SPATA16: variants seen among roughly 807,000 people sequenced by gnomAD.
SPATA16 encodes the protein spermatogenesis-associated protein 16.
Under a neutral mutation model 63.3 loss-of-function variants are expected in SPATA16, and 36 were observed. The ratio of observed to expected loss-of-function variants is 0.57; its 90% CI spans 0.44 to 0.75. The LOEUF (loss-of-function observed/expected upper bound fraction) is 0.75. SPATA16 is among the 30% of genes least tolerant of loss of function. The pLI is 0.00. For missense variants in SPATA16, 646 were observed against 679.3 expected, an observed-to-expected ratio of 0.95 and a Z score of 0.54; for synonymous variants, 203 against 216.7, an observed-to-expected ratio of 0.94 and a Z score of 0.56.
At position 172,889,478 on chromosome 3, in the gene SPATA16, T is replaced by A. The variant is rs892103462; in HGVS notation, c.*92A>T. On this transcript the variant is annotated 3_prime_UTR_variant, in exon 11 of 11. Coordinates refer to ENST00000351008, the MANE Select transcript of SPATA16 (RefSeq NM_031955.6). ...CTTTCTTTTGGTGACAAGCTTTTGT[T>A]ATCCAGCTTCACAGTACTAGGTGGG... 6.3e-7 allele frequency: 1 copy of A among 1,580,898 alleles called. No individual in the cohort carries two copies. The highest frequency in any genetic ancestry group is 8.7e-7 in the Non-Finnish European group (1 of 1,155,692).
rs540592773 is a variant in SPATA16, at chr3:172,934,939, A to T, written c.1082-9447T>A. On this transcript the variant is annotated intron_variant, in intron 6 of 10. Transcript: ENST00000351008. ...TCCTGTTAACCTCAGAAACAAAATA[A>T]CTGTTTTTGACCACTATTATTATTA... is the stretch of plus-strand genomic sequence containing the variant. Among the ~76,000 whole-genome samples, 8 of 152,272 alleles carry T rather than the reference A, an allele frequency of 5.3e-5. No homozygotes were observed. The South Asian group carries it at 1.7e-3, about 32-fold the overall frequency.
At chr3:172,899,713 T>C (rs528990320) in intron 10 of SPATA16, among the ~76,000 whole-genome samples, 1 of 152,216 alleles carries the variant, frequency 6.6e-6, no homozygotes, top group South Asian at 2.1e-4. Context: ...CCCTACCTTT[T>C]TGAGGTTAAA....
At chr3:172,983,958 C>G (rs1734382364) in intron 4 of SPATA16, among the ~76,000 whole-genome samples, 1 of 151,888 alleles carries the variant, frequency 6.6e-6, no homozygotes, top group Non-Finnish European at 1.5e-5. Context: ...ACCCCCACCC[C>G]CTGGCCCCGC....
intron 2 of SPATA16, among the ~76,000 whole-genome samples, chr3:173,074,719 G>C (rs1334507343): frequency 6.6e-6 from 1 of 152,048 alleles, no homozygotes; most frequent in African/African-American, 2.4e-5. Flanking sequence ...TGATAGATGG[G>C]GGAAGGAGGG....
chr3:172,894,492 A>G (rs1428128900), intron 10 of SPATA16, among the ~76,000 whole-genome samples: 1 of 4,198 alleles, frequency 2.4e-4, no homozygotes, highest in East Asian at 0.012. Flanking sequence ...CAAAACATGC[A>G]AAAAAAAAAA....
intron 4 of SPATA16, among the ~76,000 whole-genome samples, chr3:173,010,470 G>T (rs1560095567): frequency 6.8e-6 from 1 of 146,718 alleles, no homozygotes; most frequent in African/African-American, 2.5e-5. Context: ...GTGTGTGTGT[G>T]TTTGTTTTTG....
chr3:173,069,523 C>A (rs1284807931), intron 2 of SPATA16, among the ~76,000 whole-genome samples: 1 of 152,154 alleles, frequency 6.6e-6, no homozygotes, highest in African/African-American at 2.4e-5. Context: ...AGCCCAGGAC[C>A]TTATGACTTC....
At chr3:173,006,073 A>C (rs1351486033) in intron 4 of SPATA16, among the ~76,000 whole-genome samples, 1 of 152,166 alleles carries the variant, frequency 6.6e-6, no homozygotes, top group African/African-American at 2.4e-5. Flanking sequence ...TAAATATTGG[A>C]TGAGCTGTAG....
intron 1 of SPATA16, among the ~76,000 whole-genome samples, chr3:173,137,411 A>G (rs986578087): frequency 6.6e-6 from 1 of 152,202 alleles, no homozygotes; most frequent in Non-Finnish European, 1.5e-5. Flanking sequence ...ATAAGAAAGA[A>G]CAAAATCAGA....
intron 2 of SPATA16, among the ~76,000 whole-genome samples, chr3:173,083,667 G>A (rs1736976827): frequency 6.6e-6 from 1 of 152,062 alleles, no homozygotes; most frequent in Admixed American, 6.6e-5. Flanking sequence ...AGGCCCCAGT[G>A]TGTGTTGTTC....
At chr3:173,097,804 T>C (rs185324372) in intron 2 of SPATA16, among the ~76,000 whole-genome samples, 6 of 152,262 alleles carry the variant, frequency 3.9e-5, no homozygotes, top group Admixed American at 3.3e-4. Flanking sequence ...GTTGAAAAAG[T>C]TTATTAAAGA....
intron 3 of SPATA16, among the ~76,000 whole-genome samples, chr3:173,038,844 A>G (rs918311674): frequency 2.0e-5 from 3 of 152,124 alleles, no homozygotes; most frequent in African/African-American, 2.4e-5. Context: ...TTTGCAAAAC[A>G]TTTTCACATC....
At chr3:172,987,990 A>T (rs1734494262) in intron 4 of SPATA16, among the ~76,000 whole-genome samples, 1 of 152,166 alleles carries the variant, frequency 6.6e-6, no homozygotes, top group Admixed American at 6.6e-5. Flanking sequence ...AAATATCCTG[A>T]TTATTTAGCA....
chr3:173,082,712 C>T (rs1333653159), intron 2 of SPATA16, among the ~76,000 whole-genome samples: 4 of 152,162 alleles, frequency 2.6e-5, no homozygotes, highest in Admixed American at 2.0e-4. Context: ...CCCCTCACCC[C>T]GTGTGCCTCT....
chr3:173,125,188 G>A (rs952989259), intron 1 of SPATA16, among the ~76,000 whole-genome samples: 2 of 152,090 alleles, frequency 1.3e-5, no homozygotes, highest in Non-Finnish European at 2.9e-5. Context: ...AGCTTTACAA[G>A]TTATCCTTTA....
intron 3 of SPATA16, among the ~76,000 whole-genome samples, chr3:173,024,883 A>G (rs1735418053): frequency 6.6e-6 from 1 of 150,612 alleles, no homozygotes; most frequent in African/African-American, 2.4e-5. Flanking sequence ...TTTTAAAGAA[A>G]GCATTTAGAG....
intron 3 of SPATA16, among the ~76,000 whole-genome samples, chr3:173,032,022 G>GT (rs945824628): frequency 6.6e-6 from 1 of 152,072 alleles, no homozygotes; most frequent in Admixed American, 6.6e-5. Flanking sequence ...AGCAGAGTAT[G>GT]TTTTTGCAAA....
intron 5 of SPATA16, among the ~76,000 whole-genome samples, chr3:172,967,805 A>T (rs1216827240): frequency 6.6e-6 from 1 of 152,168 alleles, no homozygotes. Context: ...ATGATCTGTC[A>T]CTGTTTCCCA....
rs1553794825 is a variant in SPATA16, at chr3:173,028,023, T to TTCC, written c.759-8449_759-8448insGGA. ...CCTCCCTCCCTCCCTCCCTTCCTTC[T>TTCC]TTCCTTCCTTCCTTCCTTCCTTCCT... On this transcript the variant is annotated intron_variant, in intron 3 of 10. Transcript: ENST00000351008. Among the ~76,000 whole-genome samples, 83 of 36,682 alleles carry TTCC rather than the reference T, an allele frequency of 2.3e-3. 2 individuals carry two copies. Among genetic ancestry groups the TTCC allele is most frequent in the Non-Finnish European group, 2.9e-3 (61 of 21,008 alleles). 24.1% of individuals were successfully genotyped at this position (36,682 alleles called of 152,430 possible). A position where few individuals can be genotyped will look rare whatever the true frequency, so the allele number is the denominator to read the frequency against.
Sources: allele counts gnomAD v4.1 joint callset (sites outside exome capture counted in the v4.1 genomes callset), GRCh38; gene constraint gnomAD v4.1.1; transcripts MANE v1.5; gene names NCBI Gene and HGNC (gene_info 2026-07-23, HGNC 2026-07-21).